KDM6A: variants seen among roughly 807,000 people sequenced by gnomAD.
KDM6A encodes the protein lysine-specific demethylase 6A.
Under a neutral mutation model 117.6 loss-of-function variants are expected in KDM6A, and 11 were observed. That is an observed-to-expected ratio of 0.09 (90% CI 0.06 to 0.15). The LOEUF (loss-of-function observed/expected upper bound fraction) is 0.15, where lower values mean the gene tolerates loss of function less well. Among genes scored for constraint, KDM6A ranks in the 10% least tolerant of loss-of-function variants. The pLI, the probability that KDM6A is intolerant of heterozygous loss-of-function variation, is 1.00. For synonymous variants in KDM6A, 384 were observed against 396.1 expected (o/e 0.97, Z 0.36); for missense variants, 799 against 1,077.3 (o/e 0.74, Z 3.62).
intron 2 of KDM6A, among the ~76,000 whole-genome samples, chrX:44,954,106 C>T (rs2038180977): frequency 1.9e-5 from 2 of 108,056 alleles, no homozygotes; most frequent in Admixed American, 9.9e-5. Context: ...AATTGTAACT[C>T]TTTCCTCATT....
In KDM6A at chrX:45,079,373, A is replaced by T. The variant is rs183816914; in HGVS notation, c.3300+22A>T. The T allele has an allele frequency of 1.8e-3, 1,988 of 1,085,363 alleles. 20 individuals carry two copies. In the African/African-American group the frequency reaches 0.032, roughly 18 times the overall value. 89.4% of individuals were successfully genotyped at this position (1,085,363 alleles called of 1,213,427 possible). ...GAGAGTAAGTATTTGTATCCTAAAG[A>T]TTATTTTAGGATTTTAAAGATGATT... On this transcript the variant is annotated intron_variant, in intron 21 of 29. Transcript: ENST00000611820.
chrX:45,052,588 A>G (rs2043902430), intron 9 of KDM6A, among the ~76,000 whole-genome samples: 1 of 112,183 alleles, frequency 8.9e-6, no homozygotes, highest in Admixed American at 9.4e-5. Context: ...TATAACTCTT[A>G]AAAGTATAGA....
At chrX:45,024,489 TG>T (rs1224450780) in intron 6 of KDM6A, among the ~76,000 whole-genome samples, 2 of 111,732 alleles carry the variant, frequency 1.8e-5, no homozygotes, top group Non-Finnish European at 3.8e-5. Flanking sequence ...TGGGATTATT[TG>T]TTTTTTTTTC....
Position 45,093,147 on chromosome X carries a change from C to T in KDM6A, c.4034+2283C>T, listed in dbSNP as rs143233064. Among the ~76,000 whole-genome samples the T allele has an allele frequency of 1.8e-3, 201 of 109,550 alleles. 3 individuals carry two copies. The highest frequency in any genetic ancestry group is 6.4e-3 in the African/African-American group (192 of 30,127). ...CTATAATCCTTGCACTTTGGGAGGC[C>T]GAGGCGAGCCGGATCACTTGAGGTC... On this transcript the variant is annotated intron_variant, in intron 27 of 29. Coordinates refer to ENST00000611820, the MANE Select transcript of KDM6A (RefSeq NM_001291415.2).
In KDM6A at chrX:44,873,599, C is replaced by CGCT; in HGVS notation, c.49_51dup (p.Ala17dup). 2.5e-6 allele frequency: 3 copies of CGCT among 1,207,203 alleles called. No homozygotes were observed. The highest frequency in any genetic ancestry group is 3.4e-6 in the Non-Finnish European group (3 of 893,532). ...TCGCTACCGCCGCCGCTGCCGCCGC[C>CGCT]GCTTTCGGTGATGAGGAAAAGAAAA... is the stretch of plus-strand genomic sequence containing the variant. On this transcript the variant is annotated inframe_insertion, in exon 1 of 30. Coordinates refer to ENST00000611820, the MANE Select transcript of KDM6A (RefSeq NM_001291415.2).
chrX:44,951,800 C>T (rs1193206615), intron 2 of KDM6A, among the ~76,000 whole-genome samples: 1 of 111,526 alleles, frequency 9.0e-6, no homozygotes, highest in Non-Finnish European at 1.9e-5. Flanking sequence ...TACCTTACTG[C>T]TCAGAGGCTG....
chrX:44,929,443 TC>T (rs2036504989), intron 2 of KDM6A, among the ~76,000 whole-genome samples: 1 of 111,609 alleles, frequency 9.0e-6, no homozygotes, highest in African/African-American at 3.3e-5. Flanking sequence ...CTGGCTTCTT[TC>T]AGCATAATTT....
intron 8 of KDM6A, among the ~76,000 whole-genome samples, chrX:45,050,411 G>A (rs902240930): frequency 5.4e-5 from 6 of 111,211 alleles, no homozygotes; most frequent in African/African-American, 2.0e-4. Flanking sequence ...TATGTTAGCG[G>A]TGTGTGTGTG....
chrX:44,943,086 T>G, intron 2 of KDM6A, among the ~76,000 whole-genome samples: 1 of 111,622 alleles, frequency 9.0e-6, no homozygotes, highest in African/African-American at 3.3e-5. Flanking sequence ...GTTACTATTT[T>G]TTGCTTTAAA....
chrX:44,988,451 G>A (rs2040374163), intron 4 of KDM6A, among the ~76,000 whole-genome samples: 1 of 111,710 alleles, frequency 9.0e-6, no homozygotes, highest in African/African-American at 3.3e-5. Context: ...CGTTGCTGGT[G>A]AGGAGCTGCG....
intron 2 of KDM6A, among the ~76,000 whole-genome samples, chrX:44,932,327 T>G (rs1175456804): frequency 9.2e-6 from 1 of 108,668 alleles, no homozygotes; most frequent in Non-Finnish European, 1.9e-5. Flanking sequence ...GCCAGGCCGG[T>G]CTTCAACTCC....
At chrX:45,012,747 A>G (rs910231984) in intron 5 of KDM6A, among the ~76,000 whole-genome samples, 2 of 111,595 alleles carry the variant, frequency 1.8e-5, no homozygotes, top group African/African-American at 6.5e-5. Context: ...TTTTCCTAGT[A>G]TCCTTTTTCT....
intron 2 of KDM6A, among the ~76,000 whole-genome samples, chrX:44,889,744 G>A (rs2033185451): frequency 8.9e-6 from 1 of 112,294 alleles, no homozygotes; most frequent in South Asian, 3.6e-4. Context: ...TTGTCTTGTT[G>A]GACTTGGTTG....
intron 18 of KDM6A, among the ~76,000 whole-genome samples, chrX:45,070,669 A>G (rs2044780096): frequency 9.2e-6 from 1 of 109,191 alleles, no homozygotes; most frequent in Non-Finnish European, 1.9e-5. Context: ...GGGTTAAATC[A>G]TATTTGGCCA....
At chrX:44,966,636 G>C (rs1479849836) in intron 3 of KDM6A, among the ~76,000 whole-genome samples, 1 of 110,830 alleles carries the variant, frequency 9.0e-6, no homozygotes, top group Non-Finnish European at 1.9e-5. Context: ...GCTTCATTTA[G>C]TGTTGTGTAG....
chrX:44,993,646 T>A (rs2040728221), intron 4 of KDM6A, among the ~76,000 whole-genome samples: 1 of 111,547 alleles, frequency 9.0e-6, no homozygotes, highest in Non-Finnish European at 1.9e-5. Flanking sequence ...TCCTCGCGGA[T>A]CACGAGGTCA....
intron 8 of KDM6A, among the ~76,000 whole-genome samples, chrX:45,047,617 T>C (rs192850580): frequency 1.6e-4 from 17 of 104,834 alleles, no homozygotes; most frequent in Non-Finnish European, 3.0e-4. Context: ...CATTAATTCA[T>C]TAGGATTATG....
intron 4 of KDM6A, among the ~76,000 whole-genome samples, chrX:44,985,171 G>A (rs1472792140): frequency 9.0e-6 from 1 of 110,887 alleles, no homozygotes; most frequent in Non-Finnish European, 1.9e-5. Context: ...TCTCTTTGAA[G>A]CAATTGTGAA....
At chrX:45,028,537 G>A (rs1300847787) in intron 6 of KDM6A, among the ~76,000 whole-genome samples, 1 of 111,981 alleles carries the variant, frequency 8.9e-6, no homozygotes, top group Admixed American at 9.5e-5. Context: ...TTCAGTCATT[G>A]ACAGTAGAAC....
Sources: allele counts gnomAD v4.1 joint callset (sites outside exome capture counted in the v4.1 genomes callset), GRCh38; gene constraint gnomAD v4.1.1; transcripts MANE v1.5; gene names NCBI Gene and HGNC (gene_info 2026-07-23, HGNC 2026-07-21).